The following SGCZ variants were observed in gnomAD, a reference collection of about 807,000 sequenced individuals.
SGCZ encodes the protein zeta-sarcoglycan.
Under a neutral mutation model 41.3 loss-of-function variants are expected in SGCZ, and 40 were observed. The ratio of observed to expected loss-of-function variants is 0.97; its 90% CI spans 0.75 to 1.26. The LOEUF is 1.26. SGCZ is among the 50% of genes most tolerant of loss of function. SGCZ has a pLI of 0.00. For missense variants in SGCZ, 552 were observed against 369.8 expected (o/e 1.49, Z -4.04); for synonymous variants, 206 against 137.5 (o/e 1.50, Z -3.49).
intron 2 of SGCZ, among the ~76,000 whole-genome samples, chr8:14,407,004 C>A (rs1243452353): frequency 4.0e-5 from 6 of 151,702 alleles, no homozygotes; most frequent in Non-Finnish European, 2.9e-5. Flanking sequence ...GATTTTGGAG[C>A]CTGCCTGTCC....
intron 1 of SGCZ, among the ~76,000 whole-genome samples, chr8:15,105,847 C>A (rs1244406025): frequency 1.3e-5 from 2 of 152,050 alleles, no homozygotes; most frequent in Non-Finnish European, 2.9e-5. Context: ...CTTTTGAAAG[C>A]TCCAGTTTAG....
At chr8:15,062,648 C>T (rs181706009) in intron 1 of SGCZ, among the ~76,000 whole-genome samples, 2 of 152,242 alleles carry the variant, frequency 1.3e-5, no homozygotes, top group Admixed American at 1.3e-4. Context: ...CATTTGCAAC[C>T]TAACACTTTC....
At chr8:14,445,965 T>C (rs946974447) in intron 2 of SGCZ, among the ~76,000 whole-genome samples, 1 of 152,110 alleles carries the variant, frequency 6.6e-6, no homozygotes, top group African/African-American at 2.4e-5. Context: ...GCTGGCCAGA[T>C]CCCACACACA....
At chr8:14,942,450 A>G (rs1434879865) in intron 1 of SGCZ, among the ~76,000 whole-genome samples, 5 of 152,168 alleles carry the variant, frequency 3.3e-5, no homozygotes, top group African/African-American at 1.2e-4. Flanking sequence ...AAGAAATTGT[A>G]ATCCACAAGT....
intron 1 of SGCZ, among the ~76,000 whole-genome samples, chr8:14,560,043 A>G (rs1262336647): frequency 6.6e-6 from 1 of 152,126 alleles, no homozygotes; most frequent in Non-Finnish European, 1.5e-5. Flanking sequence ...TTTTGATAAT[A>G]TAGTAGAGAA....
At chr8:14,555,270 G>A (rs1169862257) in intron 1 of SGCZ, among the ~76,000 whole-genome samples, 1 of 152,014 alleles carries the variant, frequency 6.6e-6, no homozygotes, top group Non-Finnish European at 1.5e-5. Flanking sequence ...AAGTGATACA[G>A]TTTGGATCTA....
At chr8:14,204,860 T>C (rs1467806532) in intron 4 of SGCZ, among the ~76,000 whole-genome samples, 1 of 152,134 alleles carries the variant, frequency 6.6e-6, no homozygotes, top group African/African-American at 2.4e-5. Context: ...CTCCATCTGA[T>C]AGTTACGTCA....
chr8:14,222,488 G>T (rs547395468), intron 4 of SGCZ, among the ~76,000 whole-genome samples: 71 of 151,856 alleles, frequency 4.7e-4, no homozygotes, highest in African/African-American at 1.7e-3. Context: ...TGTTTTAGGG[G>T]GTGTTGACCT....
chr8:14,557,549 T>G (rs1003098180), intron 1 of SGCZ, among the ~76,000 whole-genome samples: 1 of 152,144 alleles, frequency 6.6e-6, no homozygotes, highest in African/African-American at 2.4e-5. Context: ...AGAATTTTTA[T>G]AATTTCAGGT....
chr8:15,002,638 G>A (rs558214870), intron 1 of SGCZ, among the ~76,000 whole-genome samples: 1 of 152,144 alleles, frequency 6.6e-6, no homozygotes, highest in Non-Finnish European at 1.5e-5. Flanking sequence ...TGAGTGCTCA[G>A]CTCATCACCT....
At chr8:14,556,483 G>C (rs779331541) in intron 1 of SGCZ, among the ~76,000 whole-genome samples, 62 of 151,930 alleles carry the variant, frequency 4.1e-4, no homozygotes, top group African/African-American at 1.4e-3. Context: ...GTGATATTTG[G>C]TTACATGAGT....
rs539549526 is a variant in SGCZ at position 15,081,006 on chromosome 8, C to T, written c.39+156579G>A. ...GCCACCTACAAGCCAAGCAGAGAGG[C>T]CTCAGCAGAAGCAACGCTGCCAACA... On this transcript the variant is annotated intron_variant, in intron 1 of 7. Coordinates refer to ENST00000382080, the MANE Select transcript of SGCZ (RefSeq NM_139167.4). Among the ~76,000 whole-genome samples the T allele has an allele frequency of 2.6e-5, 4 of 152,188 alleles. No homozygotes were observed. The South Asian group carries it at 8.3e-4, about 32-fold the overall frequency.
chr8:14,205,561 A>G (rs565108418), intron 4 of SGCZ, among the ~76,000 whole-genome samples: 3 of 152,262 alleles, frequency 2.0e-5, no homozygotes, highest in Non-Finnish European at 2.9e-5. Context: ...TCAGGGCTGA[A>G]AGAGAAACTT....
chr8:14,368,243 T>C (rs943160815), intron 2 of SGCZ, among the ~76,000 whole-genome samples: 3 of 152,068 alleles, frequency 2.0e-5, no homozygotes, highest in Non-Finnish European at 4.4e-5. Context: ...TGGCTTTTAA[T>C]TGCATGTTAT....
chr8:14,681,596 C>A (rs1312152914), intron 1 of SGCZ, among the ~76,000 whole-genome samples: 1 of 152,100 alleles, frequency 6.6e-6, no homozygotes, highest in East Asian at 1.9e-4. Flanking sequence ...TTCGAAATAC[C>A]TCATTCATAT....
chr8:14,601,137 T>C (rs1805577545), intron 1 of SGCZ, among the ~76,000 whole-genome samples: 1 of 151,790 alleles, frequency 6.6e-6, no homozygotes, highest in South Asian at 2.1e-4. Context: ...ATTATTTTTC[T>C]GCTAATATTA....
chr8:15,106,706 T>C (rs1806838395), intron 1 of SGCZ, among the ~76,000 whole-genome samples: 1 of 152,146 alleles, frequency 6.6e-6, no homozygotes, highest in African/African-American at 2.4e-5. Context: ...TTTCTATTAA[T>C]TCTTAGTTTG....
chr8:14,533,638 G>C (rs192542200), intron 2 of SGCZ, among the ~76,000 whole-genome samples: 123 of 152,052 alleles, frequency 8.1e-4, no homozygotes, highest in African/African-American at 2.6e-3. Flanking sequence ...TCTAGGATCA[G>C]CCAGGCTCTT....
chr8:14,488,541 A>G (rs915480688), intron 2 of SGCZ, among the ~76,000 whole-genome samples: 2 of 152,078 alleles, frequency 1.3e-5, no homozygotes, highest in African/African-American at 4.8e-5. Context: ...CAGTTTTACA[A>G]CATGGAAATG....
Sources: gnomAD v4.1 joint callset for allele counts (sites outside exome capture counted in the v4.1 genomes callset) on GRCh38, gnomAD v4.1.1 for gene constraint, MANE v1.5 for transcripts, NCBI Gene and HGNC (gene_info 2026-07-23, HGNC 2026-07-21) for gene names.